CDYL2: variants seen among roughly 807,000 people sequenced by gnomAD.
CDYL2 encodes the protein chromodomain Y-like protein 2.
In CDYL2, 23 loss-of-function variants were observed where a neutral mutation model predicts 49.4. The observed-to-expected ratio is 0.47, with a 90% CI of 0.34 to 0.66. The LOEUF is 0.66. Ranked by LOEUF, CDYL2 falls within the 30% of genes least tolerant of loss-of-function variation. CDYL2 has a pLI of 0.01. For synonymous variants in CDYL2, 360 were observed against 268.8 expected (o/e 1.34, Z -3.32); for missense variants, 678 against 656.4 (o/e 1.03, Z -0.36).
chr16:80,631,149 C>G (rs999624653), intron 3 of CDYL2, among the ~76,000 whole-genome samples: 1 of 152,230 alleles, frequency 6.6e-6, no homozygotes, highest in Non-Finnish European at 1.5e-5. Flanking sequence ...CTTGGTTAAG[C>G]TGTGAGACCC....
intron 1 of CDYL2, among the ~76,000 whole-genome samples, chr16:80,718,626 A>C (rs1904891937): frequency 1.3e-5 from 2 of 152,338 alleles, no homozygotes; most frequent in Middle Eastern, 3.4e-3. Flanking sequence ...ACTATGGAAA[A>C]AGAATGCAGC....
chr16:80,691,462 T>C (rs1910411748), intron 1 of CDYL2, among the ~76,000 whole-genome samples: 1 of 152,164 alleles, frequency 6.6e-6, no homozygotes, highest in African/African-American at 2.4e-5. Context: ...CTCAGAGCCA[T>C]GTAAACCAAG....
chr16:80,759,120 A>ATATATATATATATATATATATATGTTT (rs1567597491), intron 1 of CDYL2, among the ~76,000 whole-genome samples: 1 of 122,700 alleles, frequency 8.1e-6, no homozygotes, highest in African/African-American at 3.5e-5. Context: ...ATATATATAT[A>ATATATATATATATATATATATATGTTT]TATATATATA....
chr16:80,663,912 C>A (rs1443275399), intron 2 of CDYL2, among the ~76,000 whole-genome samples: 1 of 152,140 alleles, frequency 6.6e-6, no homozygotes, highest in Non-Finnish European at 1.5e-5. Flanking sequence ...AAGCATTCAG[C>A]AGTGTAAAGC....
chr16:80,712,901 G>T (rs1597093361), intron 1 of CDYL2, among the ~76,000 whole-genome samples: 1 of 152,290 alleles, frequency 6.6e-6, no homozygotes, highest in South Asian at 2.1e-4. Context: ...AGGGGTACCA[G>T]CTTCCTTGAT....
chr16:80,713,002 G>C (rs1567581456), intron 1 of CDYL2, among the ~76,000 whole-genome samples: 1 of 152,138 alleles, frequency 6.6e-6, no homozygotes, highest in African/African-American at 2.4e-5. Flanking sequence ...TGCACTCCAG[G>C]TCCAGGTTGT....
intron 1 of CDYL2, among the ~76,000 whole-genome samples, chr16:80,791,056 C>T (rs1371738860): frequency 1.3e-5 from 2 of 152,290 alleles, no homozygotes; most frequent in East Asian, 3.9e-4. Flanking sequence ...AAAGACTAAA[C>T]AGACGACTTC....
At chr16:80,757,794 C>A (rs1245783062) in intron 1 of CDYL2, among the ~76,000 whole-genome samples, 2 of 151,688 alleles carry the variant, frequency 1.3e-5, no homozygotes, top group Non-Finnish European at 2.9e-5. Context: ...TATTGGAGGA[C>A]CTAATTAGAC....
rs369631694 is a variant in CDYL2 at position 80,633,090 on chromosome 16, G to A, written c.763C>T (p.Arg255Trp). Reference sequence around the variant, plus strand: ...ATGTGCGTGAACCCTTCTTCCTTCCGCACAACGATGTCTCGAAACCGACAG... The same window carrying A: ...ATGTGCGTGAACCCTTCTTCCTTCCACACAACGATGTCTCGAAACCGACAG... Reference protein sequence around the residue: ...SNCRFRDIVVRKEEGFTHILL... With the variant: ...SNCRFRDIVVWKEEGFTHILL... Residue 255 changes from arginine to tryptophan, a missense_variant, in exon 3 of 7, where the codon CGG becomes TGG. Arg to Trp is a moderately radical substitution (Grantham distance 101, BLOSUM62 -3). Around this residue, in one of 3 missense-constraint regions of CDYL2, gnomAD observed 478 missense variants for 427.0 expected, o/e 1.12. Transcript: ENST00000570137. 134 of 1,614,012 alleles carry A rather than the reference G, an allele frequency of 8.3e-5. No homozygotes were observed. Among genetic ancestry groups the A allele is most frequent in the Non-Finnish European group, 1.1e-4 (129 of 1,180,016 alleles).
chr16:80,804,970 C>T (rs1434489252), upstream of CDYL2, among the ~76,000 whole-genome samples: 1 of 152,146 alleles, frequency 6.6e-6, no homozygotes, highest in African/African-American at 2.4e-5. Context: ...CGCGGCCCCT[C>T]CCTCCAGGCT....
chr16:80,642,202 G>C (rs2142405953), intron 2 of CDYL2, among the ~76,000 whole-genome samples: 1 of 152,294 alleles, frequency 6.6e-6, no homozygotes, highest in African/African-American at 2.4e-5. Context: ...CAGCACTTTG[G>C]GAGGCCGAGG....
intron 2 of CDYL2, among the ~76,000 whole-genome samples, chr16:80,641,947 C>A (rs1254957148): frequency 2.7e-5 from 4 of 149,894 alleles, no homozygotes; most frequent in Admixed American, 2.0e-4. Context: ...GGCATAAAAC[C>A]CAGTGGTAAT....
chr16:80,653,356 T>C (rs1446380686), intron 2 of CDYL2, among the ~76,000 whole-genome samples: 4 of 152,008 alleles, frequency 2.6e-5, no homozygotes, highest in African/African-American at 9.7e-5. Flanking sequence ...TCCCAGCTAC[T>C]TGGAAGTCTG....
At chr16:80,701,470 T>G (rs894626846) in intron 1 of CDYL2, among the ~76,000 whole-genome samples, 3 of 152,200 alleles carry the variant, frequency 2.0e-5, no homozygotes, top group Non-Finnish European at 2.9e-5. Flanking sequence ...AAAATATTTT[T>G]TAAATTAATT....
chr16:80,628,571 G>A (rs1907406952), intron 3 of CDYL2, among the ~76,000 whole-genome samples: 1 of 152,188 alleles, frequency 6.6e-6, no homozygotes, highest in East Asian at 1.9e-4. Context: ...CCTTGAGCTG[G>A]AAGCATCTGG....
chr16:80,652,022 T>C (rs1567556438), intron 2 of CDYL2, among the ~76,000 whole-genome samples: 1 of 152,220 alleles, frequency 6.6e-6, no homozygotes, highest in Non-Finnish European at 1.5e-5. Flanking sequence ...CAGATAAAGA[T>C]GGCTGCATAC....
At chr16:80,615,230 A>G (rs940665427) in intron 4 of CDYL2, among the ~76,000 whole-genome samples, 1 of 151,666 alleles carries the variant, frequency 6.6e-6, no homozygotes, top group Non-Finnish European at 1.5e-5. Flanking sequence ...TCACTTCCTA[A>G]CCTAATGGTG....
intron 1 of CDYL2, among the ~76,000 whole-genome samples, chr16:80,749,408 A>G (rs901067584): frequency 6.6e-6 from 1 of 152,206 alleles, no homozygotes; most frequent in African/African-American, 2.4e-5. Flanking sequence ...ATATTTACCG[A>G]AAAATTTTAA....
At position 80,692,947 on chromosome 16, in the gene CDYL2, T is replaced by C. The variant is rs528587047; in HGVS notation, c.25-7818A>G. ...AATCTAAGTATTTTAACAGAATAAATAGACCATAGCATATCTGTGCAGAGA... is the reference window on the plus strand; with the variant it reads ...AATCTAAGTATTTTAACAGAATAAACAGACCATAGCATATCTGTGCAGAGA... On this transcript the variant is annotated intron_variant, in intron 1 of 6. Transcript: ENST00000570137. 2.6e-5 allele frequency among the ~76,000 whole-genome samples: 4 copies of C among 152,222 alleles called. No individual in the cohort carries two copies. The East Asian group carries it at 5.8e-4, about 22-fold the overall frequency.
Sources: allele counts gnomAD v4.1 joint callset (sites outside exome capture counted in the v4.1 genomes callset), GRCh38; gene constraint gnomAD v4.1.1; regional missense constraint gnomAD v4.1.1; transcripts MANE v1.5; gene names NCBI Gene and HGNC (gene_info 2026-07-23, HGNC 2026-07-21).